The following AGBL4 variants were observed in gnomAD, a reference collection of about 807,000 sequenced individuals.
AGBL4 encodes cytosolic carboxypeptidase 6.
In AGBL4, 58 loss-of-function variants were observed where a neutral mutation model predicts 66.4. The observed-to-expected ratio is 0.87, with a 90% confidence interval of 0.71 to 1.09. The LOEUF is 1.09. Ranked by LOEUF, AGBL4 falls within the 50% of genes least tolerant of loss-of-function variation. AGBL4 has a pLI of 0.00. For missense variants in AGBL4, 579 were observed against 631.0 expected (o/e 0.92, Z 0.88); for synonymous variants, 234 against 222.9 (o/e 1.05, Z -0.44).
chr1:49,640,995 G>T (rs186895341), intron 3 of AGBL4, among the ~76,000 whole-genome samples: 176 of 152,206 alleles, frequency 1.2e-3, no homozygotes, highest in African/African-American at 4.1e-3. Context: ...CCTGGGTGAT[G>T]AAATCATTTG....
chr1:49,024,775 C>G (rs1571256907), intron 5 of AGBL4, among the ~76,000 whole-genome samples: 2 of 152,084 alleles, frequency 1.3e-5, no homozygotes, highest in African/African-American at 4.8e-5. Context: ...CAAGAACTTA[C>G]AAACAATTCA....
At chr1:48,689,277 C>T (rs1447258620) in intron 6 of AGBL4, among the ~76,000 whole-genome samples, 1 of 151,206 alleles carries the variant, frequency 6.6e-6, no homozygotes, top group African/African-American at 2.4e-5. Context: ...TCCTTATACT[C>T]AGAAAGCCCA....
intron 1 of AGBL4, among the ~76,000 whole-genome samples, chr1:49,936,796 T>C (rs897426535): frequency 6.6e-6 from 1 of 151,860 alleles, no homozygotes; most frequent in African/African-American, 2.4e-5. Flanking sequence ...TGCTGAGAGA[T>C]TTTGTCACCA....
At chr1:48,690,754 G>T (rs1285233889) in intron 6 of AGBL4, among the ~76,000 whole-genome samples, 1 of 152,176 alleles carries the variant, frequency 6.6e-6, no homozygotes, top group Non-Finnish European at 1.5e-5. Context: ...CTTAAAGCCA[G>T]ACTTGGACCA....
intron 6 of AGBL4, among the ~76,000 whole-genome samples, chr1:48,734,412 T>C (rs1233523184): frequency 6.6e-6 from 1 of 152,174 alleles, no homozygotes; most frequent in Non-Finnish European, 1.5e-5. Flanking sequence ...GGCAGCAGCA[T>C]CTCTCACCAA....
chr1:49,947,988 TTATATA>T (rs774673873), intron 1 of AGBL4, among the ~76,000 whole-genome samples: 2 of 59,450 alleles, frequency 3.4e-5, no homozygotes, highest in African/African-American at 1.5e-4. Flanking sequence ...AAATATATAT[TTATATA>T]TATAAATATA....
rs557244155 is a variant in AGBL4, at chr1:49,661,812, C to A, written c.282+35501G>T. On this transcript the variant is annotated intron_variant, in intron 3 of 13. Transcript: ENST00000371839. ...GTTATAAATATATCTATCATGTAAC[C>A]CAGCCATCCTAATTATAGGCATTTA... Among the ~76,000 whole-genome samples, 5 of 152,058 alleles carry A rather than the reference C, an allele frequency of 3.3e-5. No homozygotes were observed. In the East Asian group the frequency reaches 9.7e-4, roughly 29 times the overall value.
In AGBL4 at chr1:48,593,330, C is replaced by A. The variant is rs190389740; in HGVS notation, c.952-2345G>T. 4.6e-3 allele frequency among the ~76,000 whole-genome samples: 704 copies of A among 152,246 alleles called. 3 individuals are homozygous for A. Among genetic ancestry groups the A allele is most frequent in the Non-Finnish European group, 6.4e-3 (435 of 68,020 alleles). ...AAAGTTACCTCATTCTTTGTGACAG[C>A]CATATATAAACTAACTAGTTACTTA... On this transcript the variant is annotated intron_variant, in intron 9 of 13. Coordinates refer to ENST00000371839, the MANE Select transcript of AGBL4 (RefSeq NM_032785.4).
At chr1:48,668,645 G>C (rs1415898921) in intron 6 of AGBL4, among the ~76,000 whole-genome samples, 1 of 152,184 alleles carries the variant, frequency 6.6e-6, no homozygotes, top group African/African-American at 2.4e-5. Flanking sequence ...ACTTGGTTCA[G>C]ATGCACCTCC....
rs10657477 is a variant in AGBL4, at chr1:48,709,584, CATTATTATT to C, written c.635-46352_635-46344del. 8.5e-4 allele frequency among the ~76,000 whole-genome samples: 120 copies of C among 141,896 alleles called. 1 individual carries two copies. In the East Asian group the frequency reaches 0.012, roughly 14 times the overall value. 93.1% of individuals were successfully genotyped at this position (141,896 alleles called of 152,430 possible). On this transcript the variant is annotated intron_variant, in intron 6 of 13. Coordinates refer to ENST00000371839, the MANE Select transcript of AGBL4 (RefSeq NM_032785.4). ...TAGTGAGCACTTACTATTTGCCAGG[CATTATTATT>C]ATTATTATTATTATTATTATTATTT...
At chr1:49,336,933 T>A (rs1025694039) in intron 3 of AGBL4, among the ~76,000 whole-genome samples, 1 of 152,166 alleles carries the variant, frequency 6.6e-6, no homozygotes, top group African/African-American at 2.4e-5. Flanking sequence ...TTCAATAACA[T>A]GTAGAATCAT....
intron 6 of AGBL4, among the ~76,000 whole-genome samples, chr1:48,822,417 G>C (rs757062370): frequency 6.6e-6 from 1 of 152,166 alleles, no homozygotes; most frequent in Non-Finnish European, 1.5e-5. Context: ...GGAAGCAATC[G>C]GACCTAGAAG....
intron 6 of AGBL4, among the ~76,000 whole-genome samples, chr1:48,800,304 C>G (rs1436160446): frequency 9.9e-5 from 15 of 152,076 alleles, no homozygotes; most frequent in Non-Finnish European, 2.2e-4. Context: ...TCATAGTAGC[C>G]TTGAATGATC....
At chr1:48,686,575 A>C (rs1192544552) in intron 6 of AGBL4, among the ~76,000 whole-genome samples, 1 of 152,232 alleles carries the variant, frequency 6.6e-6, no homozygotes, top group Non-Finnish European at 1.5e-5. Context: ...GGAAGAAAAG[A>C]AGAAACAAGA....
At chr1:49,849,939 G>T (rs1287490589) in intron 2 of AGBL4, among the ~76,000 whole-genome samples, 1 of 152,078 alleles carries the variant, frequency 6.6e-6, no homozygotes, top group Non-Finnish European at 1.5e-5. Context: ...ACATAAGAAA[G>T]AATCAAAGAT....
chr1:48,831,764 G>A (rs553709305), intron 6 of AGBL4, among the ~76,000 whole-genome samples: 8 of 152,218 alleles, frequency 5.3e-5, no homozygotes, highest in African/African-American at 1.7e-4. Flanking sequence ...ATACATAATC[G>A]GTACACAATA....
In AGBL4 at chr1:49,351,155, G is replaced by A. The variant is rs1213541034; in HGVS notation, c.283-105291C>T. 4.6e-5 allele frequency among the ~76,000 whole-genome samples: 7 copies of A among 152,198 alleles called. No individual in the cohort carries two copies. The East Asian group carries it at 1.2e-3, about 25-fold the overall frequency. On this transcript the variant is annotated intron_variant, in intron 3 of 13. Coordinates refer to ENST00000371839, the MANE Select transcript of AGBL4 (RefSeq NM_032785.4). ...ACATGCTGTTCTGTCCATCTAAGTG[G>A]GTGCTGCAAGTTCATCCTGCCTGCT...
intron 3 of AGBL4, among the ~76,000 whole-genome samples, chr1:49,408,327 A>C (rs1018474057): frequency 1.1e-4 from 16 of 152,242 alleles, no homozygotes; most frequent in Non-Finnish European, 2.1e-4. Flanking sequence ...CTTTTAGTAC[A>C]ATCTATTGTA....
intron 1 of AGBL4, among the ~76,000 whole-genome samples, chr1:49,984,553 A>G (rs970839291): frequency 2.6e-5 from 4 of 152,322 alleles, no homozygotes; most frequent in East Asian, 1.9e-4. Context: ...CAAATTGTTC[A>G]GCACAAACTC....
Sources: allele counts gnomAD v4.1 joint callset (sites outside exome capture counted in the v4.1 genomes callset), GRCh38; gene constraint gnomAD v4.1.1; transcripts MANE v1.5; gene names NCBI Gene and HGNC (gene_info 2026-07-23, HGNC 2026-07-21).